Variants in EPG5 observed in about 807,000 individuals in gnomAD.
The protein encoded by EPG5 is ectopic P granules protein 5 homolog.
In EPG5, 159 loss-of-function variants were observed where a neutral mutation model predicts 302.7. That is an observed-to-expected ratio of 0.53 (90% CI 0.46 to 0.60). The LOEUF is 0.60. Among genes scored for constraint, EPG5 ranks in the 20% least tolerant of loss-of-function variants. The pLI is 0.00. For missense variants in EPG5, 2,896 were observed against 3,092.4 expected, an observed-to-expected ratio of 0.94 and a Z score of 1.51; for synonymous variants, 1,158 against 1,136.8, an observed-to-expected ratio of 1.02 and a Z score of -0.37.
At chr18:45,930,579 A>G (rs1044595278) in intron 12 of EPG5, 97 bp downstream of exon 12, 12 of 967,928 alleles carry the variant, frequency 1.2e-5, no homozygotes, top group Non-Finnish European at 1.8e-5. Flanking sequence ...GTAGCTAAAT[A>G]AGTCACAATT....
intron 27 of EPG5, among the ~76,000 whole-genome samples, chr18:45,893,106 T>A (rs1323510143): frequency 1.3e-5 from 2 of 152,208 alleles, no homozygotes; most frequent in East Asian, 3.9e-4. Flanking sequence ...CTGAAACAGC[T>A]GAAGCAAAAC....
the EPG5 span, among the ~76,000 whole-genome samples, chr18:45,809,675 G>A: frequency 1.3e-5 from 2 of 152,264 alleles, no homozygotes; most frequent in East Asian, 1.9e-4. Flanking sequence ...TGAACTAAAC[G>A]ACAATAGTGA....
chr18:45,908,433 C>T (rs1204121355), intron 23 of EPG5, among the ~76,000 whole-genome samples: 1 of 152,058 alleles, frequency 6.6e-6, no homozygotes, highest in East Asian at 1.9e-4. Flanking sequence ...CTTTCCTAGG[C>T]AATTCAGTCA....
downstream of EPG5, chr18:45,847,586 CAAT>C (rs942431032): frequency 4.6e-5 from 7 of 152,394 alleles, no homozygotes; most frequent in African/African-American, 1.7e-4. Context: ...TTGCAGGAAA[CAAT>C]GAGACAGGCC....
At chr18:45,928,807 TGCCAA>T (rs2050332955) in intron 13 of EPG5, 57 bp downstream of exon 13, 3 of 1,508,580 alleles carry the variant, frequency 2.0e-6, no homozygotes, top group Admixed American at 1.8e-5. Context: ...TTCCTATTTT[TGCCAA>T]TGTTCCATTA....
At chr18:45,803,429 G>A in the EPG5 span, among the ~76,000 whole-genome samples, 1 of 152,198 alleles carries the variant, frequency 6.6e-6, no homozygotes, top group African/African-American at 2.4e-5. Flanking sequence ...ACACTTGGAA[G>A]AAAGGGTTAG....
rs192515367 is a variant in EPG5 at position 45,847,637 on chromosome 18, C to A, written c.*4830G>T. Reference sequence around the variant, plus strand: ...ATTAAATTCGAATCTAGTTTATTTGCAGAATTTTACTTAACCAGTTGTCAT... The same window carrying A: ...ATTAAATTCGAATCTAGTTTATTTGAAGAATTTTACTTAACCAGTTGTCAT... On this transcript the variant is annotated 3_prime_UTR_variant, in exon 44 of 44. Transcript: ENST00000282041. 3 of 152,536 alleles carry A rather than the reference C, an allele frequency of 2.0e-5. No homozygotes were observed. The highest frequency in any genetic ancestry group is 7.2e-5 in the African/African-American group (3 of 41,428). The allele number at this position is 152,536 out of a possible 1,614,324, so 9.4% of individuals were successfully genotyped here. A position where few individuals can be genotyped will look rare whatever the true frequency, so the allele number is the denominator to read the frequency against.
chr18:45,922,297 T>C, intron 16 of EPG5, 44 bp downstream of exon 16: 2 of 1,593,538 alleles, frequency 1.3e-6, no homozygotes, highest in Non-Finnish European at 1.7e-6. Flanking sequence ...TCTAGAACTA[T>C]CTGCAAGGTT....
At chr18:45,826,362 G>A in the EPG5 span, among the ~76,000 whole-genome samples, 1 of 152,130 alleles carries the variant, frequency 6.6e-6, no homozygotes, top group Non-Finnish European at 1.5e-5. Context: ...TGGGAACAGT[G>A]TTTCAAAAGG....
At position 45,900,989 on chromosome 18, in the gene EPG5, G is replaced by T; in HGVS notation, c.4646+7C>A. 1.2e-6 allele frequency: 2 copies of T among 1,609,768 alleles called. No homozygotes were observed. Among genetic ancestry groups the T allele is most frequent in the Non-Finnish European group, 1.7e-6 (2 of 1,176,686 alleles). On this transcript the variant is annotated splice_region_variant and intron_variant, in intron 26 of 43. Coordinates refer to ENST00000282041, the MANE Select transcript of EPG5 (RefSeq NM_020964.3). ...GGAACATGATCCGTGAGGCTGCATG[G>T]TCTTACCTGGCCTGCTGTTGCAACA...
chr18:45,938,131 G>A (rs2050578739), intron 10 of EPG5, among the ~76,000 whole-genome samples: 1 of 152,090 alleles, frequency 6.6e-6, no homozygotes, highest in African/African-American at 2.4e-5. Context: ...CATCTCATGA[G>A]ACCACCAAAT....
In EPG5 at chr18:45,847,903, A is replaced by C. The variant is rs1240799853; in HGVS notation, c.*4564T>G. ...ATTCTATCAGTGCTCAATGAGAGAC[A>C]GTACATCTGTACATTAAAAAATAAA... On this transcript the variant is annotated 3_prime_UTR_variant, in exon 44 of 44. Coordinates refer to ENST00000282041, the MANE Select transcript of EPG5 (RefSeq NM_020964.3). 1.3e-5 allele frequency: 2 copies of C among 152,656 alleles called. No homozygotes were observed. Among genetic ancestry groups the C allele is most frequent in the Non-Finnish European group, 2.9e-5 (2 of 68,044 alleles). The allele number at this position is 152,656 out of a possible 1,614,324, so 9.5% of individuals were successfully genotyped here. A position where few individuals can be genotyped will look rare whatever the true frequency, so the allele number is the denominator to read the frequency against.
chr18:45,830,620 C>T, the EPG5 span, among the ~76,000 whole-genome samples: 1 of 120,352 alleles, frequency 8.3e-6, no homozygotes, highest in African/African-American at 3.2e-5. Context: ...GAGTCTCGCT[C>T]TGTCACCCAG....
intron 20 of EPG5, 93 bp from the exon 21 acceptor site, chr18:45,913,921 T>G: frequency 6.7e-7 from 1 of 1,484,438 alleles, no homozygotes; most frequent in Non-Finnish European, 9.1e-7. Context: ...TCTCTTCCTA[T>G]CTCAAGCTCA....
At chr18:45,840,711 G>C in the EPG5 span, among the ~76,000 whole-genome samples, 1 of 152,322 alleles carries the variant, frequency 6.6e-6, no homozygotes, top group Admixed American at 6.5e-5. Flanking sequence ...TGGTGTTGAA[G>C]GAGAAAGAAC....
rs1408746832 is a variant in EPG5 at position 45,910,728 on chromosome 18, C to T, written c.3998G>A (p.Gly1333Asp). 6.2e-7 allele frequency: 1 copy of T among 1,613,864 alleles called. No homozygotes were observed. Among genetic ancestry groups the T allele is most frequent in the Admixed American group, 1.7e-5 (1 of 60,004 alleles). The change falls in exon 23 of 44, where the codon GGT becomes GAT. Residue 1333 changes from glycine (G) to aspartate (D), a missense_variant. Around this residue, in one of 5 missense-constraint regions of EPG5, gnomAD observed 790 missense variants for 798.0 expected, o/e 0.99. Transcript: ENST00000282041. The part of the protein sequence containing the change: ...PGPQYGLPID[G>D]CIGRRFFQSP... Reference sequence around the variant, plus strand: ...TTGAAAAAACCTTCTTCCAATACAACCATCTATGGGTAACCTTAAAAAACA... The same window carrying T: ...TTGAAAAAACCTTCTTCCAATACAATCATCTATGGGTAACCTTAAAAAACA...
At chr18:45,807,722 T>A in the EPG5 span, among the ~76,000 whole-genome samples, 1 of 151,968 alleles carries the variant, frequency 6.6e-6, no homozygotes, top group African/African-American at 2.4e-5. Flanking sequence ...ACAAAAAAAA[T>A]CTGAACAACA....
intron 13 of EPG5, among the ~76,000 whole-genome samples, chr18:45,927,319 G>A (rs918875619): frequency 1.3e-5 from 2 of 152,120 alleles, no homozygotes; most frequent in South Asian, 2.1e-4. Flanking sequence ...GATTACAGGC[G>A]TAAGCCACTG....
intron 42 of EPG5, among the ~76,000 whole-genome samples, chr18:45,856,993 A>G (rs536074302): frequency 1.3e-5 from 2 of 151,098 alleles, no homozygotes; most frequent in South Asian, 4.2e-4. Flanking sequence ...ATCTCGGCTG[A>G]CTGCAACCTC....
Sources: gnomAD v4.1 joint callset for allele counts (sites outside exome capture counted in the v4.1 genomes callset) on GRCh38, gnomAD v4.1.1 for gene constraint, gnomAD v4.1.1 regional missense constraint, MANE v1.5 for transcripts, NCBI Gene and HGNC (gene_info 2026-07-23, HGNC 2026-07-21) for gene names.